LAMA1: variants seen among roughly 807,000 people sequenced by gnomAD.
The protein encoded by LAMA1 is laminin subunit alpha-1.
In LAMA1, 219 loss-of-function variants were observed where a neutral mutation model predicts 348.7. That is an observed-to-expected ratio of 0.63 (90% CI 0.56 to 0.70). The LOEUF (loss-of-function observed/expected upper bound fraction) is 0.70, where lower values mean the gene tolerates loss of function less well. Among genes scored for constraint, LAMA1 ranks in the 30% least tolerant of loss-of-function variants. The pLI is 0.00. For synonymous variants in LAMA1, 1,487 were observed against 1,491.0 expected, an observed-to-expected ratio of 1.00 and a Z score of 0.06; for missense variants, 3,744 against 3,888.0, an observed-to-expected ratio of 0.96 and a Z score of 0.99.
rs776544976 is a variant in LAMA1, at chr18:6,966,308, G to C, written c.6900-11C>G. The C allele has an allele frequency of 2.2e-5, 35 of 1,612,140 alleles. 1 individual carries two copies. The Admixed American group carries it at 5.8e-4, about 27-fold the overall frequency. Reference sequence around the variant, plus strand: ...TCTTCATTCTGGGAGCTGCAAAGCAGAAGAGATGAAATAGAATCCATTCTC... The same window carrying C: ...TCTTCATTCTGGGAGCTGCAAAGCACAAGAGATGAAATAGAATCCATTCTC... On this transcript the variant is annotated splice_polypyrimidine_tract_variant and intron_variant, in intron 48 of 62. Coordinates refer to ENST00000389658, the MANE Select transcript of LAMA1 (RefSeq NM_005559.4).
At chr18:7,064,440 G>A (rs190512322) in intron 3 of LAMA1, among the ~76,000 whole-genome samples, 1 of 152,224 alleles carries the variant, frequency 6.6e-6, no homozygotes, top group Non-Finnish European at 1.5e-5. Flanking sequence ...GCTCCGAGGG[G>A]ATGTTTGAAA....
chr18:7,004,411 G>A (rs1432081124), intron 29 of LAMA1, among the ~76,000 whole-genome samples: 1 of 152,022 alleles, frequency 6.6e-6, no homozygotes, highest in Non-Finnish European at 1.5e-5. Flanking sequence ...GGAGTGTAAT[G>A]GGGCGATCTC....
chr18:7,050,993 A>T, intron 3 of LAMA1, 57 bp from the exon 4 acceptor site: 1 of 1,600,056 alleles, frequency 6.2e-7, no homozygotes, highest in Non-Finnish European at 8.5e-7. Context: ...CAGGCACAGA[A>T]TGAGAGCTAC....
In LAMA1 at chr18:7,011,315, C is replaced by G; in HGVS notation, c.3672G>C (p.Gln1224His). 6.2e-7 allele frequency: 1 copy of G among 1,609,898 alleles called. No individual in the cohort carries two copies. Among genetic ancestry groups the G allele is most frequent in the Non-Finnish European group, 8.5e-7 (1 of 1,178,766 alleles). The change falls in exon 25 of 63, where the codon CAG becomes CAC. Residue 1224 changes from glutamine to histidine, a missense_variant. By Grantham distance (24) the Gln-to-His change is conservative (BLOSUM62 0). Transcript: ENST00000389658. ...TGCACCTCACCTGGTCTCCTTGGAA[C>G]TGCTGCGGCAGCCGCCAGTAAAACG... Reference protein sequence around the residue: ...AEPFYWRLPQQFQGDQLMAYG... With the variant: ...AEPFYWRLPQHFQGDQLMAYG...
intron 42 of LAMA1, 124 bp from the exon 43 acceptor site, chr18:6,978,502 A>C: frequency 2.1e-6 from 2 of 941,444 alleles, no homozygotes; most frequent in Non-Finnish European, 3.3e-6. Flanking sequence ...GCTGAACACA[A>C]ACTGAGGCTT....
intron 3 of LAMA1, among the ~76,000 whole-genome samples, chr18:7,054,113 T>C (rs1229288917): frequency 1.3e-5 from 2 of 152,118 alleles, no homozygotes; most frequent in African/African-American, 4.8e-5. Flanking sequence ...CCCCATAATA[T>C]TCGACATGCT....
intron 55 of LAMA1, 194 bp from the exon 56 acceptor site, chr18:6,956,959 T>C: frequency 4.7e-6 from 3 of 633,074 alleles, no homozygotes; most frequent in South Asian, 3.6e-5. Context: ...TGTCTGAAGC[T>C]TCTGCTTGCA....
At chr18:7,056,507 G>A (rs2058082769) in intron 3 of LAMA1, among the ~76,000 whole-genome samples, 1 of 152,166 alleles carries the variant, frequency 6.6e-6, no homozygotes, top group Admixed American at 6.5e-5. Context: ...TTTGGAAACT[G>A]ATGAAGAGAG....
In LAMA1 at chr18:6,979,807, G is replaced by C. The variant is rs192468840; in HGVS notation, c.6007+714C>G. Among the ~76,000 whole-genome samples the C allele has an allele frequency of 1.2e-3, 178 of 152,120 alleles. 2 individuals carry two copies. The highest frequency in any genetic ancestry group is 3.4e-3 in the Middle Eastern group (1 of 294). Reference sequence around the variant, plus strand: ...CCAGCTACTCGGGAGGCTGAGGCAGGAGAATGGTGTGAACCCGGGGGGCGG... The same window carrying C: ...CCAGCTACTCGGGAGGCTGAGGCAGCAGAATGGTGTGAACCCGGGGGGCGG... On this transcript the variant is annotated intron_variant, in intron 42 of 62. Transcript: ENST00000389658.
Position 6,976,092 on chromosome 18 carries a change from A to G in LAMA1, c.6346-12T>C, listed in dbSNP as rs182927027. ...ACGGCGACTTTAATCTGTAGAAGGA[A>G]AATGAAAGTGTCCCCATCATTTAGT... is the stretch of plus-strand genomic sequence containing the variant. On this transcript the variant is annotated splice_polypyrimidine_tract_variant and intron_variant, in intron 44 of 62. Transcript: ENST00000389658. 5.7e-4 allele frequency: 928 copies of G among 1,614,006 alleles called. 6 individuals carry two copies. The African/African-American group carries it at 0.011, about 19-fold the overall frequency.
At chr18:7,040,782 A>T (rs1409404104) in intron 9 of LAMA1, among the ~76,000 whole-genome samples, 1 of 152,208 alleles carries the variant, frequency 6.6e-6, no homozygotes, top group African/African-American at 2.4e-5. Context: ...GAAACATGGT[A>T]TGTCCATACT....
chr18:7,074,362 A>G (rs1271793114), intron 3 of LAMA1, among the ~76,000 whole-genome samples: 2 of 152,226 alleles, frequency 1.3e-5, no homozygotes, highest in African/African-American at 2.4e-5. Flanking sequence ...AACTTTTAAA[A>G]TAGTGGTTCT....
At chr18:6,943,159 A>G in intron 62 of LAMA1, 21 bp downstream of exon 62, 1 of 1,602,900 alleles carries the variant, frequency 6.2e-7, no homozygotes, top group South Asian at 1.1e-5. Flanking sequence ...TTTGAGTGGA[A>G]GAGCAGGTAC....
At chr18:6,986,803 A>G (rs1196702885) in intron 36 of LAMA1, among the ~76,000 whole-genome samples, 2 of 152,186 alleles carry the variant, frequency 1.3e-5, no homozygotes, top group Non-Finnish European at 1.5e-5. Flanking sequence ...CTTGTCCCCT[A>G]GGTTTGAGTG....
intron 1 of LAMA1, among the ~76,000 whole-genome samples, chr18:7,094,193 G>C (rs760524716): frequency 6.6e-6 from 1 of 151,958 alleles, no homozygotes; most frequent in Non-Finnish European, 1.5e-5. Flanking sequence ...GTTCCCAGGG[G>C]ATGCTGCACT....
At chr18:6,966,981 A>G (rs1007444581) in intron 48 of LAMA1, among the ~76,000 whole-genome samples, 21 of 152,302 alleles carry the variant, frequency 1.4e-4, no homozygotes, top group African/African-American at 4.8e-4. Flanking sequence ...GATCATAATT[A>G]TGTTCCAAAA....
chr18:6,956,478 C>A lies in LAMA1; in HGVS notation c.8094+158G>T, dbSNP rs1358001636. The A allele has an allele frequency of 2.4e-6, 3 of 1,273,452 alleles. 1 individual carries two copies. In the South Asian group the frequency reaches 3.6e-5, roughly 15 times the overall value. The allele number at this position is 1,273,452 out of a possible 1,614,324, so 78.9% of individuals were successfully genotyped here. A position where few individuals can be genotyped will look rare whatever the true frequency, so the allele number is the denominator to read the frequency against. On this transcript the variant is annotated intron_variant, in intron 56 of 62. Transcript: ENST00000389658. ...CTGAGTTGCTTGAGGCACCCTTTCC[C>A]TCCCTGTCCCCGCTCTGATTTTTAG...
chr18:7,014,763 A>G (rs974467466), intron 22 of LAMA1, among the ~76,000 whole-genome samples: 3 of 152,212 alleles, frequency 2.0e-5, no homozygotes, highest in African/African-American at 7.2e-5. Context: ...CCCCCAATAA[A>G]GTGATTTATT....
chr18:7,007,947 T>TTATTTATTTATTTATC (rs1555651821), intron 28 of LAMA1, among the ~76,000 whole-genome samples: 61 of 151,606 alleles, frequency 4.0e-4, no homozygotes, highest in African/African-American at 1.5e-3. Flanking sequence ...ATTTATTTAT[T>TTATTTATTTATTTATC]TTTGAGACGG....
Sources: allele counts gnomAD v4.1 joint callset (sites outside exome capture counted in the v4.1 genomes callset), GRCh38; gene constraint gnomAD v4.1.1; transcripts MANE v1.5; gene names NCBI Gene and HGNC (gene_info 2026-07-23, HGNC 2026-07-21).